The following NWD2 variants were observed in gnomAD, a reference collection of about 807,000 sequenced individuals.
NWD2 encodes NACHT and WD repeat domain containing 2, also known as NACHT and WD repeat domain-containing protein 2.
In NWD2, 37 loss-of-function variants were observed where a neutral mutation model predicts 132.7. The ratio of observed to expected loss-of-function variants is 0.28; its 90% CI spans 0.21 to 0.37. The LOEUF (loss-of-function observed/expected upper bound fraction) is 0.37, where lower values mean the gene tolerates loss of function less well. Among genes scored for constraint, NWD2 ranks in the 10% least tolerant of loss-of-function variants. The pLI, the probability that NWD2 is intolerant of heterozygous loss-of-function variation, is 1.00. For missense variants in NWD2, 1,592 were observed against 2,122.4 expected, an observed-to-expected ratio of 0.75 and a Z score of 4.91; for synonymous variants, 705 against 803.0, an observed-to-expected ratio of 0.88 and a Z score of 2.06.
At chr4:37,326,085 T>A in intron 2 of NWD2, 61 bp downstream of exon 2, 2 of 1,087,266 alleles carry the variant, frequency 1.8e-6, no homozygotes, top group Non-Finnish European at 2.7e-6. Flanking sequence ...TGTTTGTTTC[T>A]TGTCACAACT....
intron 1 of NWD2, among the ~76,000 whole-genome samples, chr4:37,311,559 A>G (rs1047880276): frequency 5.4e-5 from 8 of 149,408 alleles, no homozygotes; most frequent in African/African-American, 1.0e-4. Context: ...AGTAGGTTGC[A>G]AAAATTTTCT....
At chr4:37,290,283 C>T (rs1285382589) in intron 1 of NWD2, among the ~76,000 whole-genome samples, 2 of 152,124 alleles carry the variant, frequency 1.3e-5, no homozygotes, top group Admixed American at 1.3e-4. Flanking sequence ...ACACATAAAC[C>T]AATAACTATT....
chr4:37,332,370 C>T (rs895480044), intron 2 of NWD2, among the ~76,000 whole-genome samples: 7 of 151,416 alleles, frequency 4.6e-5, no homozygotes, highest in African/African-American at 1.7e-4. Context: ...ATGCACTGGG[C>T]AGAGTCCTGA....
At chr4:37,411,602 GAA>G (rs1721157976) in intron 3 of NWD2, among the ~76,000 whole-genome samples, 1 of 152,150 alleles carries the variant, frequency 6.6e-6, no homozygotes, top group South Asian at 2.1e-4. Flanking sequence ...CCAAACAAAA[GAA>G]AAAGAGGGAA....
rs1712421947 is a variant in NWD2, at chr4:37,439,422, T to C, written c.1296+32T>C. ...GCCTATTCTTTCCCGTGTATATTTG[T>C]AAAAACTTGTACTTTTGGAAAATGG... On this transcript the variant is annotated intron_variant, in intron 6 of 6. Transcript: ENST00000309447. The surrounding 1 kb of genome is among the most constrained non-coding windows in gnomAD (Gnocchi z 4.5). 7.5e-7 allele frequency: 1 copy of C among 1,326,008 alleles called. No homozygotes were observed. The highest frequency in any genetic ancestry group is 1.5e-5 in the African/African-American group (1 of 67,434). The allele number at this position is 1,326,008 out of a possible 1,614,324, so 82.1% of individuals were successfully genotyped here. A position where few individuals can be genotyped will look rare whatever the true frequency, so the allele number is the denominator to read the frequency against.
At position 37,448,089 on chromosome 4, in the gene NWD2, C is replaced by G. The variant is rs1389293445; in HGVS notation, c.*872C>G. 1 of 152,178 alleles carries G rather than the reference C, an allele frequency of 6.6e-6. No individual in the cohort carries two copies. Among genetic ancestry groups the G allele is most frequent in the Non-Finnish European group, 1.5e-5 (1 of 68,024 alleles). The allele number at this position is 152,178 out of a possible 1,614,324, so 9.4% of individuals were successfully genotyped here. A position where few individuals can be genotyped will look rare whatever the true frequency, so the allele number is the denominator to read the frequency against. On this transcript the variant is annotated 3_prime_UTR_variant, in exon 7 of 7. Transcript: ENST00000309447. ...ATCATTGTACTAACAGAAGTCTGTA[C>G]TATTTGGTCAGTTTGTATGGAAGCA...
chr4:37,326,544 C>T (rs753223991), intron 2 of NWD2, among the ~76,000 whole-genome samples: 6 of 152,132 alleles, frequency 3.9e-5, no homozygotes, highest in Admixed American at 3.3e-4. Context: ...CAAGAGACAG[C>T]GATGGCACAC....
In NWD2 at chr4:37,342,321, C is replaced by T. The variant is rs148778129; in HGVS notation, c.241-14045C>T. Among the ~76,000 whole-genome samples, 126 of 152,218 alleles carry T rather than the reference C, an allele frequency of 8.3e-4. 1 individual carries two copies. The highest frequency in any genetic ancestry group is 2.8e-3 in the African/African-American group (116 of 41,544). ...GACTCACTTGCTCCCTCTTGCCTTC[C>T]ACCATGAGTAAAAGCTTCCTGATGC... is the stretch of plus-strand genomic sequence containing the variant. On this transcript the variant is annotated intron_variant, in intron 2 of 6. Transcript: ENST00000309447.
At chr4:37,418,695 T>G (rs946455439) in intron 3 of NWD2, among the ~76,000 whole-genome samples, 38 of 152,162 alleles carry the variant, frequency 2.5e-4, no homozygotes, top group African/African-American at 9.1e-4. Context: ...ATGGGATTGC[T>G]GGGTCAAATG....
chr4:37,264,358 A>T (rs1419956632), intron 1 of NWD2, among the ~76,000 whole-genome samples: 1 of 152,134 alleles, frequency 6.6e-6, no homozygotes, highest in African/African-American at 2.4e-5. Context: ...TGTAAGTAAA[A>T]TGATGTTCCT....
chr4:37,412,638 C>T (rs926766345), intron 3 of NWD2, among the ~76,000 whole-genome samples: 1 of 128,026 alleles, frequency 7.8e-6, no homozygotes, highest in African/African-American at 3.3e-5. Flanking sequence ...CTACTTTAAA[C>T]TTCATGTGGA....
intron 1 of NWD2, among the ~76,000 whole-genome samples, chr4:37,308,442 T>C (rs1718757097): frequency 1.3e-5 from 2 of 152,172 alleles, no homozygotes; most frequent in Non-Finnish European, 2.9e-5. Flanking sequence ...GGCCTGGAGC[T>C]ACCAGAGAGC....
intron 3 of NWD2, among the ~76,000 whole-genome samples, chr4:37,418,537 G>A (rs376027079): frequency 1.3e-5 from 2 of 151,888 alleles, no homozygotes; most frequent in South Asian, 4.2e-4. Flanking sequence ...TGTTAGCCAG[G>A]TGCTCAAGGT....
intron 3 of NWD2, among the ~76,000 whole-genome samples, chr4:37,380,937 A>G (rs1220965012): frequency 6.6e-6 from 1 of 152,228 alleles, no homozygotes; most frequent in African/African-American, 2.4e-5. Context: ...TCTCCTGCTT[A>G]AATTCAGAAC....
intron 1 of NWD2, among the ~76,000 whole-genome samples, chr4:37,261,650 A>T (rs1449668097): frequency 6.6e-6 from 1 of 152,258 alleles, no homozygotes; most frequent in African/African-American, 2.4e-5. Context: ...TCAAATAAAC[A>T]TACACATAGC....
At chr4:37,245,430 C>A (rs1395688080) in intron 1 of NWD2, among the ~76,000 whole-genome samples, 1 of 152,162 alleles carries the variant, frequency 6.6e-6, no homozygotes, top group Non-Finnish European at 1.5e-5. Context: ...TATTAGGACA[C>A]CCATTCTCCA....
chr4:37,362,377 G>A (rs1719997828), intron 3 of NWD2, among the ~76,000 whole-genome samples: 1 of 152,070 alleles, frequency 6.6e-6, no homozygotes, highest in African/African-American at 2.4e-5. Context: ...TAACCAAAAA[G>A]AACAAAGCTG....
intron 1 of NWD2, among the ~76,000 whole-genome samples, chr4:37,282,070 T>C (rs1400463748): frequency 6.6e-6 from 1 of 152,220 alleles, no homozygotes; most frequent in Non-Finnish European, 1.5e-5. Flanking sequence ...GCCAATATTT[T>C]AGAGCAATTA....
intron 2 of NWD2, among the ~76,000 whole-genome samples, chr4:37,345,549 AT>A (rs1719617038): frequency 6.6e-6 from 1 of 152,088 alleles, no homozygotes; most frequent in African/African-American, 2.4e-5. Context: ...TAAGTGAGTT[AT>A]TTGTCCTTTT....
Sources: gnomAD v4.1 joint callset for allele counts (sites outside exome capture counted in the v4.1 genomes callset) on GRCh38, gnomAD v4.1.1 for gene constraint, Gnocchi (gnomAD v3.1) non-coding constraint, MANE v1.5 for transcripts, NCBI Gene and HGNC (gene_info 2026-07-23, HGNC 2026-07-21) for gene names.